The following ADAMTS2 variants were observed in gnomAD, a reference collection of about 807,000 sequenced individuals.
ADAMTS2 encodes the protein ADAM metallopeptidase with thrombospondin type 1 motif 2, also known as A disintegrin and metalloproteinase with thrombospondin motifs 2.
A neutral mutation model predicts 123.0 loss-of-function variants in ADAMTS2; 50 were observed. The observed-to-expected ratio is 0.41, with a 90% CI of 0.32 to 0.51. The LOEUF (loss-of-function observed/expected upper bound fraction) is 0.51. Among genes scored for constraint, ADAMTS2 ranks in the 20% least tolerant of loss-of-function variants. The pLI, the probability that ADAMTS2 is intolerant of heterozygous loss-of-function variation, is 0.35. For missense variants in ADAMTS2, 1,494 were observed against 1,705.2 expected (o/e 0.88, Z 2.18); for synonymous variants, 678 against 695.4 (o/e 0.98, Z 0.39).
In ADAMTS2 at chr5:179,260,388, G is replaced by A. The variant is rs540629880; in HGVS notation, c.688+12523C>T. Reference sequence around the variant, plus strand: ...CCACTGTAAGCAAAAGATTCTCCCCGAAGCTAACGTGCTAAGTGACCTGGA... The same window carrying A: ...CCACTGTAAGCAAAAGATTCTCCCCAAAGCTAACGTGCTAAGTGACCTGGA... On this transcript the variant is annotated intron_variant, in intron 3 of 21. Transcript: ENST00000251582. The surrounding 1 kb of genome is among the most constrained non-coding windows in gnomAD (Gnocchi z 4.2). Among the ~76,000 whole-genome samples, 3 of 152,298 alleles carry A rather than the reference G, an allele frequency of 2.0e-5. No individual in the cohort carries two copies. Among genetic ancestry groups the A allele is most frequent in the African/African-American group, 4.8e-5 (2 of 41,572 alleles).
rs780687655 is a variant in ADAMTS2 at position 179,260,458 on chromosome 5, G to A, written c.688+12453C>T. On this transcript the variant is annotated intron_variant, in intron 3 of 21. Transcript: ENST00000251582. The surrounding 1 kb of genome is among the most constrained non-coding windows in gnomAD (Gnocchi z 4.2). ...TCGCTGGGCCCCAGTTTCTGCAGCC[G>A]TTAAGTGGAGTTCCAGGCCTTGGTG... 2.6e-5 allele frequency among the ~76,000 whole-genome samples: 4 copies of A among 152,162 alleles called. No individual in the cohort carries two copies. The highest frequency in any genetic ancestry group is 4.8e-5 in the African/African-American group (2 of 41,426).
chr5:179,316,666 G>A (rs1460167943), intron 2 of ADAMTS2, among the ~76,000 whole-genome samples: 1 of 152,222 alleles, frequency 6.6e-6, no homozygotes, highest in Non-Finnish European at 1.5e-5. Context: ...AGTGGGGACG[G>A]GACGCAGTGG....
At chr5:179,208,036 C>T (rs541048540) in intron 3 of ADAMTS2, among the ~76,000 whole-genome samples, 10 of 146,634 alleles carry the variant, frequency 6.8e-5, no homozygotes, top group Non-Finnish European at 1.2e-4. Context: ...CTGTGAGAGA[C>T]CCAGCCCAGC....
At chr5:179,231,538 G>A (rs1765412474) in intron 3 of ADAMTS2, among the ~76,000 whole-genome samples, 1 of 152,194 alleles carries the variant, frequency 6.6e-6, no homozygotes. Flanking sequence ...AACTGTAAGG[G>A]GCCGGTGACC....
chr5:179,285,422 C>G lies in ADAMTS2; in HGVS notation c.535-12358G>C, dbSNP rs1351501370. ...GCTAAATCAAGCAACGCTTGAGTGGCTCCCTCGGGACCTGGCCTGTCCAGA... is the reference window on the plus strand; with the variant it reads ...GCTAAATCAAGCAACGCTTGAGTGGGTCCCTCGGGACCTGGCCTGTCCAGA... On this transcript the variant is annotated intron_variant, in intron 2 of 21. Transcript: ENST00000251582. The surrounding 1 kb of genome is among the most constrained non-coding windows in gnomAD (Gnocchi z 4.9). 6.6e-6 allele frequency among the ~76,000 whole-genome samples: 1 copy of G among 152,252 alleles called. No homozygotes were observed. The highest frequency in any genetic ancestry group is 1.5e-5 in the Non-Finnish European group (1 of 68,044).
chr5:179,249,478 A>T (rs941704884), intron 3 of ADAMTS2, among the ~76,000 whole-genome samples: 2 of 152,130 alleles, frequency 1.3e-5, no homozygotes, highest in Non-Finnish European at 2.9e-5. Context: ...TCTTTGAAAG[A>T]TCAACAAAAC....
chr5:179,220,998 T>A (rs1765110285), intron 3 of ADAMTS2, among the ~76,000 whole-genome samples: 1 of 152,186 alleles, frequency 6.6e-6, no homozygotes, highest in South Asian at 2.1e-4. Flanking sequence ...TCCCTCCTCC[T>A]TCCTGACCCC....
chr5:179,269,090 C>G (rs907899107), intron 3 of ADAMTS2, among the ~76,000 whole-genome samples: 14 of 152,140 alleles, frequency 9.2e-5, no homozygotes, highest in African/African-American at 3.1e-4. Flanking sequence ...AGGGACACGT[C>G]AGAAGAGGAG....
intron 2 of ADAMTS2, among the ~76,000 whole-genome samples, chr5:179,279,398 A>G (rs1766830756): frequency 6.6e-6 from 1 of 152,166 alleles, no homozygotes; most frequent in Admixed American, 6.5e-5. Context: ...TAAGATTCCC[A>G]TTCCTGAAAG....
intron 2 of ADAMTS2, among the ~76,000 whole-genome samples, chr5:179,284,917 T>C (rs1279531402): frequency 6.6e-6 from 1 of 152,204 alleles, no homozygotes; most frequent in Admixed American, 6.5e-5. Flanking sequence ...TAATTAAGCA[T>C]GTGGCCTCCG....
At position 179,345,270 on chromosome 5, in the gene ADAMTS2, A is replaced by G. The variant is rs940887616; in HGVS notation, c.59T>C (p.Leu20Pro). The change falls in exon 1 of 22, where the codon CTG (leucine) becomes CCG (proline). Residue 20 changes from leucine (L) to proline (P), a missense_variant. Physicochemically the swap from Leu to Pro is moderately conservative, Grantham distance 98. Around this residue, in one of 6 missense-constraint regions of ADAMTS2, gnomAD observed 237 missense variants for 233.7 expected, o/e 1.01. Transcript: ENST00000251582. The surrounding 1 kb of genome is among the most constrained non-coding windows in gnomAD (Gnocchi z 7.5). ...CAGGAGCGGCGGCGGCAGCAGCAGC[A>G]GCAGCAGCAGCAGCGCGGGGCAGAG... is the stretch of plus-strand genomic sequence containing the variant. Reference protein sequence around the residue: ...RLLCPALLLLLLLLPPPLLPP... With the variant: ...RLLCPALLLLPLLLPPPLLPP... 8.6e-7 allele frequency: 1 copy of G among 1,157,434 alleles called. No individual in the cohort carries two copies. The highest frequency in any genetic ancestry group is 1.1e-6 in the Non-Finnish European group (1 of 945,108). 71.7% of individuals were successfully genotyped at this position (1,157,434 alleles called of 1,614,324 possible). A position where few individuals can be genotyped will look rare whatever the true frequency, so the allele number is the denominator to read the frequency against.
Position 179,189,510 on chromosome 5 carries a change from G to GCTTTTTTTTTTTTTTTTTTTTTTT in ADAMTS2, c.892-8356_892-8355insAAAAAAAAAAAAAAAAAAAAAAAG. Among the ~76,000 whole-genome samples the GCTTTTTTTTTTTTTTTTTTTTTTT allele has an allele frequency of 2.5e-5, 2 of 78,948 alleles. 1 individual carries two copies. The highest frequency in any genetic ancestry group is 9.1e-4 in the South Asian group (2 of 2,208). 51.8% of individuals were successfully genotyped at this position (78,948 alleles called of 152,430 possible). A position where few individuals can be genotyped will look rare whatever the true frequency, so the allele number is the denominator to read the frequency against. ...CTACAGGCGCCCGCCAGTGCGCCTG[G>GCTTTTTTTTTTTTTTTTTTTTTTT]TTTTTTTTTTTTTTTTTTTTTTTTT... On this transcript the variant is annotated intron_variant, in intron 4 of 21. Transcript: ENST00000251582. This position sits in a 1 kb window ranked among gnomAD's most constrained non-coding sequence, Gnocchi z 4.2.
At chr5:179,302,379 C>CAAAAAAA (rs1166990772) in intron 2 of ADAMTS2, among the ~76,000 whole-genome samples, 11 of 38,186 alleles carry the variant, frequency 2.9e-4, no homozygotes, top group African/African-American at 1.2e-3. Context: ...AAGACCGTCT[C>CAAAAAAA]AAAAAAAAAA....
At chr5:179,148,847 AG>A (rs1763300324) in intron 10 of ADAMTS2, among the ~76,000 whole-genome samples, 1 of 152,022 alleles carries the variant, frequency 6.6e-6, no homozygotes, top group Admixed American at 6.6e-5. Flanking sequence ...TCCCAGACGG[AG>A]GGGGGTACTG....
chr5:179,144,118 C>T (rs1763216001), intron 10 of ADAMTS2, among the ~76,000 whole-genome samples: 2 of 152,042 alleles, frequency 1.3e-5, no homozygotes, highest in African/African-American at 4.8e-5. Context: ...AAAAAATCAA[C>T]TGCATTTCTA....
intron 4 of ADAMTS2, among the ~76,000 whole-genome samples, chr5:179,194,331 T>C (rs937402365): frequency 6.6e-6 from 1 of 152,164 alleles, no homozygotes; most frequent in African/African-American, 2.4e-5. Context: ...TGCTGGAACA[T>C]GTGCTCCCTG....
At chr5:179,229,495 C>A (rs1288848476) in intron 3 of ADAMTS2, among the ~76,000 whole-genome samples, 1 of 147,634 alleles carries the variant, frequency 6.8e-6, no homozygotes. Context: ...GACCCCGCTG[C>A]CCATTCCCGA....
chr5:179,114,630 G>A (rs564500425), intron 21 of ADAMTS2, among the ~76,000 whole-genome samples: 95 of 152,274 alleles, frequency 6.2e-4, no homozygotes, highest in Non-Finnish European at 7.8e-4. Flanking sequence ...AATGAGGCCC[G>A]TTTGTTCTTA....
chr5:179,268,936 C>G (rs1000719688), intron 3 of ADAMTS2, among the ~76,000 whole-genome samples: 3 of 152,226 alleles, frequency 2.0e-5, no homozygotes, highest in Non-Finnish European at 4.4e-5. Context: ...ATCCTGATCC[C>G]TGCAACCTGA....
Sources: allele counts gnomAD v4.1 joint callset (sites outside exome capture counted in the v4.1 genomes callset), GRCh38; gene constraint gnomAD v4.1.1; regional missense constraint gnomAD v4.1.1; non-coding constraint Gnocchi (gnomAD v3.1); transcripts MANE v1.5; gene names NCBI Gene and HGNC (gene_info 2026-07-23, HGNC 2026-07-21).